NFIA: variants seen among roughly 807,000 people sequenced by gnomAD.
NFIA encodes the protein nuclear factor 1 A-type.
Under a neutral mutation model 62.8 loss-of-function variants are expected in NFIA, and 8 were observed. The ratio of observed to expected loss-of-function variants is 0.13; its 90% CI spans 0.07 to 0.23. The LOEUF (loss-of-function observed/expected upper bound fraction) is 0.23, where lower values mean the gene tolerates loss of function less well. NFIA is among the 10% of genes least tolerant of loss of function. The pLI, the probability that NFIA is intolerant of heterozygous loss-of-function variation, is 1.00. For synonymous variants in NFIA, 235 were observed against 238.1 expected, an observed-to-expected ratio of 0.99 and a Z score of 0.12; for missense variants, 410 against 642.1, an observed-to-expected ratio of 0.64 and a Z score of 3.91.
intron 2 of NFIA, among the ~76,000 whole-genome samples, chr1:61,101,416 T>G (rs921309238): frequency 2.0e-5 from 3 of 146,818 alleles, no homozygotes; most frequent in African/African-American, 7.5e-5. Flanking sequence ...AAAAAAAAAG[T>G]AGTTCGCCAC....
chr1:61,285,610 T>C (rs1409001191), intron 3 of NFIA, among the ~76,000 whole-genome samples: 1 of 152,158 alleles, frequency 6.6e-6, no homozygotes, highest in African/African-American at 2.4e-5. Context: ...CAGGCAACTC[T>C]TTTCCCCCTG....
chr1:61,205,901 CTT>C (rs199804398), intron 2 of NFIA, among the ~76,000 whole-genome samples: 1 of 122,504 alleles, frequency 8.2e-6, no homozygotes, highest in African/African-American at 3.1e-5. Context: ...TTTTGCAGCC[CTT>C]TTTTTTTTTT....
intron 2 of NFIA, among the ~76,000 whole-genome samples, chr1:61,222,745 C>G (rs1019375362): frequency 6.6e-6 from 1 of 151,984 alleles, no homozygotes; most frequent in Non-Finnish European, 1.5e-5. Flanking sequence ...GGTTTTAAGA[C>G]AGAATTCAAC....
chr1:61,425,335 A>G (rs1009113511), intron 9 of NFIA, among the ~76,000 whole-genome samples: 2 of 152,194 alleles, frequency 1.3e-5, no homozygotes, highest in African/African-American at 4.8e-5. Flanking sequence ...GGAAAAAAAA[A>G]ATCTGGCAGG....
intron 2 of NFIA, among the ~76,000 whole-genome samples, chr1:61,131,497 G>T (rs184336708): frequency 6.6e-6 from 1 of 152,060 alleles, no homozygotes; most frequent in Non-Finnish European, 1.5e-5. Flanking sequence ...GAAGAGTAGG[G>T]CCCCTAATGT....
intron 4 of NFIA, among the ~76,000 whole-genome samples, chr1:61,335,056 T>C (rs1661527678): frequency 6.6e-6 from 1 of 152,222 alleles, no homozygotes; most frequent in Non-Finnish European, 1.5e-5. Flanking sequence ...TTCCTGTCCC[T>C]GCTTAGGGGG....
At chr1:61,233,762 G>A (rs1178432809) in intron 2 of NFIA, among the ~76,000 whole-genome samples, 1 of 152,122 alleles carries the variant, frequency 6.6e-6, no homozygotes, top group Non-Finnish European at 1.5e-5. Flanking sequence ...CAGTGCCGAC[G>A]CAGAGGTGCT....
chr1:61,438,484 C>T (rs1481004922), intron 10 of NFIA, among the ~76,000 whole-genome samples: 1 of 152,152 alleles, frequency 6.6e-6, no homozygotes, highest in African/African-American at 2.4e-5. Context: ...AATGTTCTCC[C>T]TGAGCTAAAT....
chr1:61,424,823 A>T (rs1342570444), intron 9 of NFIA, among the ~76,000 whole-genome samples: 1 of 152,162 alleles, frequency 6.6e-6, no homozygotes, highest in East Asian at 1.9e-4. Context: ...CTTAATATAG[A>T]TTATTTTACT....
intron 3 of NFIA, among the ~76,000 whole-genome samples, chr1:61,296,157 A>G (rs567109809): frequency 2.4e-4 from 36 of 152,332 alleles, no homozygotes; most frequent in African/African-American, 7.9e-4. Flanking sequence ...TAAGCATCCA[A>G]AATTACCTCA....
At chr1:61,082,189 C>G, upstream of NFIA, 1 of 85,102 alleles carries the variant, frequency 1.2e-5, no homozygotes, top group Non-Finnish European at 2.1e-5. Context: ...CAGTAATGCG[C>G]TGATCGGGGG....
chr1:61,190,152 G>A (rs1467409324), intron 2 of NFIA, among the ~76,000 whole-genome samples: 1 of 152,158 alleles, frequency 6.6e-6, no homozygotes, highest in Non-Finnish European at 1.5e-5. Flanking sequence ...TCTTTAGAGA[G>A]GTGGTACTAT....
At chr1:61,105,037 G>A (rs542611894) in intron 2 of NFIA, among the ~76,000 whole-genome samples, 1 of 152,086 alleles carries the variant, frequency 6.6e-6, no homozygotes, top group Admixed American at 6.5e-5. Context: ...CTACACTGTG[G>A]TATAAGGCAC....
At chr1:61,177,420 A>AATT (rs1650452423) in intron 2 of NFIA, among the ~76,000 whole-genome samples, 1 of 152,182 alleles carries the variant, frequency 6.6e-6, no homozygotes, top group African/African-American at 2.4e-5. Context: ...TCATAATAAT[A>AATT]ATCGTGATTT....
At chr1:61,171,072 GTATAAAGCCTTAAA>G (rs1649935599) in intron 2 of NFIA, among the ~76,000 whole-genome samples, 1 of 152,086 alleles carries the variant, frequency 6.6e-6, no homozygotes, top group Admixed American at 6.5e-5. Flanking sequence ...TTAATACTTA[GTATAAAGCCTTAAA>G]ATGGATACCA....
chr1:61,451,704 C>T (rs1434947661), intron 10 of NFIA, among the ~76,000 whole-genome samples: 1 of 152,158 alleles, frequency 6.6e-6, no homozygotes, highest in East Asian at 1.9e-4. Flanking sequence ...TAGATCAAAG[C>T]TCTGTGTTTA....
intron 6 of NFIA, among the ~76,000 whole-genome samples, chr1:61,375,530 G>A (rs771566969): frequency 6.6e-6 from 1 of 152,142 alleles, no homozygotes; most frequent in Non-Finnish European, 1.5e-5. Flanking sequence ...TACATAAGTA[G>A]TACTCCCCCG....
chr1:61,219,917 C>T (rs1355783026), intron 2 of NFIA, among the ~76,000 whole-genome samples: 1 of 152,036 alleles, frequency 6.6e-6, no homozygotes, highest in Non-Finnish European at 1.5e-5. Context: ...GAGCTGAAAT[C>T]GCGCCACTGC....
At chr1:61,140,586 A>C (rs1489824765) in intron 2 of NFIA, among the ~76,000 whole-genome samples, 2 of 152,076 alleles carry the variant, frequency 1.3e-5, no homozygotes, top group African/African-American at 2.4e-5. Context: ...TATTTATAAA[A>C]TAGCCTGGGA....
Sources: allele counts gnomAD v4.1 joint callset (sites outside exome capture counted in the v4.1 genomes callset), GRCh38; gene constraint gnomAD v4.1.1; transcripts MANE v1.5; gene names NCBI Gene and HGNC (gene_info 2026-07-23, HGNC 2026-07-21).